Variants in PLPP1 observed in about 807,000 individuals in gnomAD.
PLPP1 encodes the protein lipid phosphate phosphohydrolase 1a.
A neutral mutation model predicts 31.2 loss-of-function variants in PLPP1; 24 were observed. That is an observed-to-expected ratio of 0.77 (90% CI 0.56 to 1.08). The LOEUF is 1.08. Among genes scored for constraint, PLPP1 ranks in the 50% least tolerant of loss-of-function variants. The pLI is 0.00. For missense variants in PLPP1, 319 were observed against 342.7 expected, an observed-to-expected ratio of 0.93 and a Z score of 0.55; for synonymous variants, 146 against 126.3, an observed-to-expected ratio of 1.16 and a Z score of -1.05.
intron 1 of PLPP1, among the ~76,000 whole-genome samples, chr5:55,493,458 A>G (rs1752939719): frequency 6.6e-6 from 1 of 152,198 alleles, no homozygotes; most frequent in Non-Finnish European, 1.5e-5. Context: ...AAAAGATTAT[A>G]GGACTCAGGC....
intron 2 of PLPP1, among the ~76,000 whole-genome samples, chr5:55,472,311 G>A (rs1157078613): frequency 6.6e-6 from 1 of 152,148 alleles, no homozygotes; most frequent in African/African-American, 2.4e-5. Flanking sequence ...TGTTGAGACA[G>A]TAGAGTATAG....
chr5:55,474,539 A>C (rs1252778469), intron 2 of PLPP1, among the ~76,000 whole-genome samples: 5 of 152,232 alleles, frequency 3.3e-5, no homozygotes, highest in Non-Finnish European at 5.9e-5. Context: ...TTTTAGTTTA[A>C]GACTCACTCT....
rs1490990753 is a variant in PLPP1 at position 55,534,694 on chromosome 5, T to C, written c.-65A>G. On this transcript the variant is annotated 5_prime_UTR_variant, in exon 1 of 6. Transcript: ENST00000307259. ...GCTGCGGGACGGCGGCCGAGGCCCT[T>C]GATTCTCGAGCCCGGGCCGGGGCTG... The C allele has an allele frequency of 5.6e-5, 82 of 1,475,826 alleles. No homozygotes were observed. The highest frequency in any genetic ancestry group is 7.3e-5 in the Non-Finnish European group (81 of 1,102,416). The allele number at this position is 1,475,826 out of a possible 1,614,324, so 91.4% of individuals were successfully genotyped here.
At chr5:55,459,243 C>T (rs1281009653) in intron 3 of PLPP1, among the ~76,000 whole-genome samples, 1 of 145,762 alleles carries the variant, frequency 6.9e-6, no homozygotes, top group African/African-American at 2.5e-5. Context: ...AAAAAAAAAA[C>T]GACACTTGTA....
chr5:55,530,877 G>A (rs1043926014), intron 1 of PLPP1, among the ~76,000 whole-genome samples: 52 of 152,346 alleles, frequency 3.4e-4, no homozygotes, highest in African/African-American at 1.2e-3. Context: ...CAGCCATGGC[G>A]GGGGATGGGG....
rs149590567 is a variant in PLPP1 at position 55,464,719 on chromosome 5, A to G, written c.491+3150T>C. Reference sequence around the variant, plus strand: ...TTAAGTGAAAGAAGGCAGACACAACAAAGTACTCACTGTAGGATTCCTTTT... The same window carrying G: ...TTAAGTGAAAGAAGGCAGACACAACGAAGTACTCACTGTAGGATTCCTTTT... On this transcript the variant is annotated intron_variant, in intron 3 of 5. Transcript: ENST00000307259. Among the ~76,000 whole-genome samples, 205 of 152,362 alleles carry G rather than the reference A, an allele frequency of 1.3e-3. 2 individuals carry two copies. In the Middle Eastern group the frequency reaches 0.024, roughly 18 times the overall value.
At chr5:55,505,743 C>A (rs1753260047) in intron 1 of PLPP1, among the ~76,000 whole-genome samples, 1 of 152,040 alleles carries the variant, frequency 6.6e-6, no homozygotes, top group Non-Finnish European at 1.5e-5. Flanking sequence ...AATTGTAAAC[C>A]CTTAAATTCC....
intron 1 of PLPP1, among the ~76,000 whole-genome samples, chr5:55,502,458 G>C (rs968355604): frequency 1.4e-4 from 21 of 150,918 alleles, no homozygotes; most frequent in Non-Finnish European, 5.9e-5. Flanking sequence ...CTGCACTCCA[G>C]CCTAGTGACA....
At chr5:55,448,350 T>TGA (rs1313161158) in intron 3 of PLPP1, among the ~76,000 whole-genome samples, 1 of 151,982 alleles carries the variant, frequency 6.6e-6, no homozygotes, top group Non-Finnish European at 1.5e-5. Context: ...ATGTATTATG[T>TGA]GACCCAGTAA....
chr5:55,506,262 C>CT (rs1554041190), intron 1 of PLPP1, among the ~76,000 whole-genome samples: 4 of 66,438 alleles, frequency 6.0e-5, no homozygotes, highest in African/African-American at 1.5e-4. Context: ...CAGCAAATTA[C>CT]TAAAAAAAAA....
intron 2 of PLPP1, 117 bp from the exon 3 acceptor site, chr5:55,468,266 C>T (rs1448540206): frequency 2.2e-6 from 2 of 917,460 alleles, no homozygotes; most frequent in Non-Finnish European, 3.2e-6. Flanking sequence ...GTTTCAAAAA[C>T]AGTCCCAGCC....
At chr5:55,466,261 C>G (rs551261634) in intron 3 of PLPP1, among the ~76,000 whole-genome samples, 1 of 152,196 alleles carries the variant, frequency 6.6e-6, no homozygotes, top group African/African-American at 2.4e-5. Flanking sequence ...CCATTCTCAT[C>G]CTTTGTTTAA....
At chr5:55,448,240 A>T (rs1751812680) in intron 3 of PLPP1, among the ~76,000 whole-genome samples, 1 of 152,206 alleles carries the variant, frequency 6.6e-6, no homozygotes, top group Admixed American at 6.5e-5. Flanking sequence ...CACATCTAAG[A>T]TACTTAAGGA....
chr5:55,425,802 C>CTATT (rs1367305000), intron 5 of PLPP1, 61 bp downstream of exon 5: 12 of 1,346,768 alleles, frequency 8.9e-6, no homozygotes, highest in Admixed American at 2.9e-5. Context: ...TTTTTTTTTT[C>CTATT]TATTTACTTA....
At chr5:55,484,647 A>G (rs1038771692) in intron 1 of PLPP1, 3 of 152,200 alleles carry the variant, frequency 2.0e-5, no homozygotes, top group Non-Finnish European at 2.9e-5. Flanking sequence ...GAGAGACTCG[A>G]AAACCTTACA....
chr5:55,447,528 C>T (rs975862836), intron 3 of PLPP1, among the ~76,000 whole-genome samples: 2 of 152,174 alleles, frequency 1.3e-5, no homozygotes, highest in South Asian at 2.1e-4. Flanking sequence ...CAAAAACTCT[C>T]GTGCTCACAC....
chr5:55,476,611 C>T (rs189027269), intron 1 of PLPP1, among the ~76,000 whole-genome samples: 5 of 152,270 alleles, frequency 3.3e-5, no homozygotes, highest in Admixed American at 6.5e-5. Context: ...AAGCCTGAAA[C>T]GCTCTCTCCC....
chr5:55,438,895 C>T (rs753100175), intron 4 of PLPP1, among the ~76,000 whole-genome samples: 1 of 148,954 alleles, frequency 6.7e-6, no homozygotes, highest in East Asian at 2.0e-4. Flanking sequence ...AGCAAGACTC[C>T]GTCTAAAAAA....
chr5:55,426,127 A>G, intron 4 of PLPP1, 88 bp from the exon 5 acceptor site: 1 of 1,168,894 alleles, frequency 8.6e-7, no homozygotes. Context: ...TGAAATGATT[A>G]TCAAAGTATT....
Sources: allele counts gnomAD v4.1 joint callset (sites outside exome capture counted in the v4.1 genomes callset), GRCh38; gene constraint gnomAD v4.1.1; transcripts MANE v1.5; gene names NCBI Gene and HGNC (gene_info 2026-07-23, HGNC 2026-07-21).